Variants in SNX9 observed in about 807,000 individuals in gnomAD.
SNX9 encodes the protein sorting nexin 9.
Under a neutral mutation model 89.4 loss-of-function variants are expected in SNX9, and 44 were observed. The observed-to-expected ratio is 0.49, with a 90% CI of 0.39 to 0.63. SNX9 has a LOEUF of 0.63. SNX9 is among the 30% of genes least tolerant of loss of function. SNX9 has a pLI of 0.00. For missense variants in SNX9, 578 were observed against 736.1 expected (o/e 0.79, Z 2.49); for synonymous variants, 236 against 247.8 (o/e 0.95, Z 0.45).
chr6:157,831,034 T>C (rs1203837263), intron 1 of SNX9, among the ~76,000 whole-genome samples: 2 of 152,244 alleles, frequency 1.3e-5, no homozygotes, highest in African/African-American at 2.4e-5. Flanking sequence ...TTGTATTTGG[T>C]TCTATTTCAA....
At chr6:157,920,477 A>C (rs544588172) in intron 9 of SNX9, among the ~76,000 whole-genome samples, 53 of 152,272 alleles carry the variant, frequency 3.5e-4, no homozygotes, top group African/African-American at 1.2e-3. Flanking sequence ...TAGTGGTACC[A>C]CCATGTCGAA....
chr6:157,928,768 TATC>T (rs1389032896), intron 12 of SNX9, 66 bp downstream of exon 12: 95 of 1,255,676 alleles, frequency 7.6e-5, no homozygotes, highest in Admixed American at 6.7e-4. Flanking sequence ...TTATGTCCCT[TATC>T]ATAGAGGGGA....
chr6:157,869,274 G>A (rs1782339385), intron 2 of SNX9, among the ~76,000 whole-genome samples: 1 of 152,036 alleles, frequency 6.6e-6, no homozygotes, highest in East Asian at 1.9e-4. Flanking sequence ...TCAGATTTTT[G>A]TATTGCCGTC....
At chr6:157,928,272 T>C (rs1783736890) in intron 11 of SNX9, among the ~76,000 whole-genome samples, 2 of 152,224 alleles carry the variant, frequency 1.3e-5, no homozygotes, top group Non-Finnish European at 2.9e-5. Context: ...ACCCCTGTTA[T>C]TCTTTTATAG....
intron 1 of SNX9, among the ~76,000 whole-genome samples, chr6:157,825,098 AT>A (rs1284819319): frequency 2.0e-5 from 3 of 152,104 alleles, no homozygotes; most frequent in Non-Finnish European, 4.4e-5. Context: ...AAATACAGAA[AT>A]TAGCTGGGCG....
chr6:157,875,749 T>C (rs2115142980), intron 4 of SNX9, among the ~76,000 whole-genome samples: 1 of 152,354 alleles, frequency 6.6e-6, no homozygotes, highest in African/African-American at 2.4e-5. Context: ...TAATTTTAAT[T>C]AAAATTTGAC....
intron 1 of SNX9, among the ~76,000 whole-genome samples, chr6:157,836,242 GA>G (rs1781580862): frequency 6.6e-6 from 1 of 152,076 alleles, no homozygotes; most frequent in African/African-American, 2.4e-5. Flanking sequence ...TACCCTTTTT[GA>G]TAAGTGGAAA....
chr6:157,897,100 CAG>C, intron 5 of SNX9, 102 bp downstream of exon 5: 1 of 1,189,828 alleles, frequency 8.4e-7, no homozygotes, highest in Non-Finnish European at 1.2e-6. Flanking sequence ...CAGCACAACA[CAG>C]AACAGTTTTG....
At chr6:157,845,105 C>CTTTTT (rs35257389) in intron 1 of SNX9, among the ~76,000 whole-genome samples, 1 of 124,806 alleles carries the variant, frequency 8.0e-6, no homozygotes, top group Admixed American at 8.2e-5. Context: ...TCCCATTTGT[C>CTTTTT]TTTTTTTTTT....
chr6:157,874,832 A>G, intron 3 of SNX9: 1 of 437,620 alleles, frequency 2.3e-6, no homozygotes, highest in Admixed American at 4.2e-5. Flanking sequence ...TAATGCATGG[A>G]TCAAAGAAGA....
At position 157,823,372 on chromosome 6, in the gene SNX9, C is replaced by G; in HGVS notation, c.-63C>G. On this transcript the variant is annotated 5_prime_UTR_variant, in exon 1 of 18. Coordinates refer to ENST00000392185, the MANE Select transcript of SNX9 (RefSeq NM_016224.5). The surrounding 1 kb of genome is among the most constrained non-coding windows in gnomAD (Gnocchi z 4.6). ...CGCCCTTGCCTTTGCCTGCGCGGCT[C>G]AGAATCACCATCCGCGGCGCGGGAG... The G allele has an allele frequency of 7.9e-7, 1 of 1,266,652 alleles. No individual in the cohort carries two copies. Among genetic ancestry groups the G allele is most frequent in the East Asian group, 4.0e-5 (1 of 24,912 alleles). 78.5% of individuals were successfully genotyped at this position (1,266,652 alleles called of 1,614,324 possible).
At position 157,944,494 on chromosome 6, in the gene SNX9, A is replaced by T. The variant is rs1173951767; in HGVS notation, c.*1656A>T. 6.5e-6 allele frequency: 1 copy of T among 152,758 alleles called. No homozygotes were observed. The highest frequency in any genetic ancestry group is 1.5e-5 in the Non-Finnish European group (1 of 68,034). 9.5% of individuals were successfully genotyped at this position (152,758 alleles called of 1,614,324 possible). ...AAGCCAACATATAAATAAATTGTTTAAAAAAACTGTACAGTAAATTCTCAA... is the reference window on the plus strand; with the variant it reads ...AAGCCAACATATAAATAAATTGTTTTAAAAAACTGTACAGTAAATTCTCAA... On this transcript the variant is annotated 3_prime_UTR_variant, in exon 18 of 18. Transcript: ENST00000392185.
At chr6:157,840,434 T>TTTCCTTTCTTTCCTTTCC (rs138173584) in intron 1 of SNX9, among the ~76,000 whole-genome samples, 16,148 of 146,340 alleles carry the variant, frequency 0.11, 1,307 homozygotes, top group African/African-American at 0.2. Flanking sequence ...CTTTCTTTTC[T>TTTCCTTTCTTTCCTTTCC]TTCCTTTCTT....
At chr6:157,851,218 T>G (rs1173062344) in intron 1 of SNX9, among the ~76,000 whole-genome samples, 1 of 150,362 alleles carries the variant, frequency 6.7e-6, no homozygotes, top group Non-Finnish European at 1.5e-5. Flanking sequence ...AGATCAAGCC[T>G]CTGCACTCCA....
In SNX9 at chr6:157,823,469, C is replaced by T; in HGVS notation, c.12+23C>T. Reference sequence around the variant, plus strand: ...AAGGTGAGGGGCGCGCGGCGCAGGCCGGGCCGGTCGCTCAGGCCCGGGGCG... The same window carrying T: ...AAGGTGAGGGGCGCGCGGCGCAGGCTGGGCCGGTCGCTCAGGCCCGGGGCG... On this transcript the variant is annotated intron_variant, in intron 1 of 17. Coordinates refer to ENST00000392185, the MANE Select transcript of SNX9 (RefSeq NM_016224.5). This position sits in a 1 kb window ranked among gnomAD's most constrained non-coding sequence, Gnocchi z 4.6. 8.4e-7 allele frequency: 1 copy of T among 1,190,198 alleles called. No homozygotes were observed. Among genetic ancestry groups the T allele is most frequent in the Non-Finnish European group, 1.0e-6 (1 of 964,012 alleles). 73.7% of individuals were successfully genotyped at this position (1,190,198 alleles called of 1,614,324 possible).
rs1783210285 is a variant in SNX9, at chr6:157,906,119, C to T, written c.621-9C>T. 2 of 1,607,356 alleles carry T rather than the reference C, an allele frequency of 1.2e-6. No individual in the cohort carries two copies. The highest frequency in any genetic ancestry group is 1.1e-5 in the South Asian group (1 of 89,876). On this transcript the variant is annotated splice_polypyrimidine_tract_variant and intron_variant, in intron 6 of 17. Coordinates refer to ENST00000392185, the MANE Select transcript of SNX9 (RefSeq NM_016224.5). ...CTTAAGACTGATGAACATTTATATT[C>T]ATGATTAGATTTCCTGGATTTGCGA...
In SNX9 at chr6:157,823,460, G is replaced by C. The variant is rs1428225321; in HGVS notation, c.12+14G>C. 2.5e-6 allele frequency: 3 copies of C among 1,204,656 alleles called. No homozygotes were observed. Among genetic ancestry groups the C allele is most frequent in the East Asian group, 3.7e-5 (1 of 26,826 alleles). The allele number at this position is 1,204,656 out of a possible 1,614,324, so 74.6% of individuals were successfully genotyped here. On this transcript the variant is annotated intron_variant, in intron 1 of 17. Transcript: ENST00000392185. The surrounding 1 kb of genome is among the most constrained non-coding windows in gnomAD (Gnocchi z 4.6). ...ATGGCCACCAAGGTGAGGGGCGCGCGGCGCAGGCCGGGCCGGTCGCTCAGG... is the reference window on the plus strand; with the variant it reads ...ATGGCCACCAAGGTGAGGGGCGCGCCGCGCAGGCCGGGCCGGTCGCTCAGG...
intron 1 of SNX9, among the ~76,000 whole-genome samples, chr6:157,853,879 C>G (rs1781959648): frequency 6.6e-6 from 1 of 151,786 alleles, no homozygotes; most frequent in Non-Finnish European, 1.5e-5. Flanking sequence ...ATTTTTATTA[C>G]TTCATTTCTC....
At chr6:157,929,006 A>G (rs1395194104) in intron 12 of SNX9, among the ~76,000 whole-genome samples, 1 of 152,182 alleles carries the variant, frequency 6.6e-6, no homozygotes, top group African/African-American at 2.4e-5. Context: ...GAGTGCTTGT[A>G]GTTATTCTTA....
Sources: gnomAD v4.1 joint callset for allele counts (sites outside exome capture counted in the v4.1 genomes callset) on GRCh38, gnomAD v4.1.1 for gene constraint, Gnocchi (gnomAD v3.1) non-coding constraint, MANE v1.5 for transcripts, NCBI Gene and HGNC (gene_info 2026-07-23, HGNC 2026-07-21) for gene names.